Variants in UBE3D observed in about 807,000 individuals in gnomAD.
The protein encoded by UBE3D is ubiquitin protein ligase E3D.
A neutral mutation model predicts 49.6 loss-of-function variants in UBE3D; 48 were observed. The ratio of observed to expected loss-of-function variants is 0.97; its 90% CI spans 0.77 to 1.23. UBE3D has a LOEUF of 1.23. UBE3D is among the 50% of genes most tolerant of loss of function. The pLI is 0.00. For synonymous variants in UBE3D, 189 were observed against 174.2 expected (o/e 1.08, Z -0.67); for missense variants, 452 against 468.4 (o/e 0.96, Z 0.32).
At chr6:82,966,929 T>C (rs983892462) in intron 8 of UBE3D, among the ~76,000 whole-genome samples, 1 of 152,120 alleles carries the variant, frequency 6.6e-6, no homozygotes, top group Admixed American at 6.6e-5. Flanking sequence ...TTCTAGAAAA[T>C]TTTTACTTGC....
downstream of UBE3D, among the ~76,000 whole-genome samples, chr6:82,888,279 C>T (rs990256048): frequency 6.7e-6 from 1 of 148,696 alleles, no homozygotes; most frequent in Non-Finnish European, 1.5e-5. Flanking sequence ...ATTAAGTTAA[C>T]CACTTGTGGT....
intron 9 of UBE3D, among the ~76,000 whole-genome samples, chr6:82,954,608 A>T (rs963425333): frequency 1.3e-5 from 2 of 152,204 alleles, no homozygotes; most frequent in Non-Finnish European, 2.9e-5. Flanking sequence ...AACTTTAACA[A>T]GTGTCATTCT....
At chr6:83,046,171 A>ATAC (rs1783014548) in intron 3 of UBE3D, among the ~76,000 whole-genome samples, 1 of 152,180 alleles carries the variant, frequency 6.6e-6, no homozygotes, top group Non-Finnish European at 1.5e-5. Context: ...CAAAACACAA[A>ATAC]TACTAGTAAA....
intron 8 of UBE3D, among the ~76,000 whole-genome samples, chr6:82,976,510 C>T (rs1188075160): frequency 6.6e-6 from 1 of 152,124 alleles, no homozygotes; most frequent in African/African-American, 2.4e-5. Flanking sequence ...AAACTTCATA[C>T]TGACATCTCC....
chr6:82,938,897 CAT>C (rs1774793452), intron 9 of UBE3D, among the ~76,000 whole-genome samples: 1 of 151,898 alleles, frequency 6.6e-6, no homozygotes, highest in African/African-American at 2.4e-5. Context: ...GAACTAGCAC[CAT>C]AGTCTGGTGT....
At chr6:82,930,519 T>C (rs1009500117) in intron 9 of UBE3D, among the ~76,000 whole-genome samples, 2 of 152,068 alleles carry the variant, frequency 1.3e-5, no homozygotes, top group South Asian at 2.1e-4. Context: ...CAGAAAGATA[T>C]GGGAAACTAG....
intron 5 of UBE3D, chr6:83,036,020 C>CTTTTTTTTTTTTTTTTTTTTTTTTTTTT (rs11448547): frequency 1.8e-5 from 2 of 108,814 alleles, no homozygotes; most frequent in Non-Finnish European, 3.5e-5. Flanking sequence ...TTTTGTACTT[C>CTTTTTTTTTTTTTTTTTTTTTTTTTTTT]TTTTTTTTTT....
chr6:82,985,951 G>A (rs929243470), intron 8 of UBE3D, among the ~76,000 whole-genome samples: 15 of 151,758 alleles, frequency 9.9e-5, no homozygotes, highest in African/African-American at 3.6e-4. Flanking sequence ...TATCTGATAG[G>A]GCTAGTCCTT....
intron 8 of UBE3D, among the ~76,000 whole-genome samples, chr6:82,997,228 G>A (rs1779303759): frequency 6.6e-6 from 1 of 152,206 alleles, no homozygotes; most frequent in South Asian, 2.1e-4. Context: ...GAAGGCATGT[G>A]CAAAGGTCTT....
chr6:82,980,754 G>C (rs1461458022), intron 8 of UBE3D, among the ~76,000 whole-genome samples: 1 of 151,932 alleles, frequency 6.6e-6, no homozygotes, highest in Admixed American at 6.6e-5. Flanking sequence ...TATGGTAAGA[G>C]AGGGTTTCAT....
chr6:82,988,942 A>C (rs181575752), intron 8 of UBE3D, among the ~76,000 whole-genome samples: 10 of 152,264 alleles, frequency 6.6e-5, no homozygotes, highest in East Asian at 3.9e-4. Flanking sequence ...TATCTGGAAG[A>C]ATCAATCAGT....
intron 3 of UBE3D, among the ~76,000 whole-genome samples, chr6:83,046,356 A>C (rs1783030703): frequency 6.6e-6 from 1 of 152,134 alleles, no homozygotes; most frequent in Non-Finnish European, 1.5e-5. Flanking sequence ...GCAGAGGACA[A>C]AGCTAGAAAC....
At chr6:82,883,028 G>C in the UBE3D span, among the ~76,000 whole-genome samples, 4 of 152,170 alleles carry the variant, frequency 2.6e-5, no homozygotes, top group African/African-American at 9.6e-5. Context: ...TCAAGAAACA[G>C]TCAGGACATA....
chr6:83,022,899 A>C (rs910847438), intron 6 of UBE3D, among the ~76,000 whole-genome samples: 2 of 152,222 alleles, frequency 1.3e-5, no homozygotes, highest in Non-Finnish European at 2.9e-5. Context: ...AGAATAACTA[A>C]CTTACAAAAG....
chr6:82,887,119 C>A, the UBE3D span, among the ~76,000 whole-genome samples: 1 of 151,332 alleles, frequency 6.6e-6, no homozygotes, highest in African/African-American at 2.4e-5. Context: ...GCCTGGCCAA[C>A]ATGGTGAAAC....
chr6:82,881,426 G>A, the UBE3D span, among the ~76,000 whole-genome samples: 1 of 152,086 alleles, frequency 6.6e-6, no homozygotes, highest in Non-Finnish European at 1.5e-5. Flanking sequence ...TATGAGGAGG[G>A]GCTGTACCTT....
chr6:82,975,724 C>G (rs1269674691), intron 8 of UBE3D, among the ~76,000 whole-genome samples: 2 of 152,044 alleles, frequency 1.3e-5, no homozygotes, highest in South Asian at 2.1e-4. Flanking sequence ...TTTTAAAAAA[C>G]TAACCTAAAA....
intron 8 of UBE3D, among the ~76,000 whole-genome samples, chr6:83,002,454 GT>G (rs2127747584): frequency 6.6e-6 from 1 of 152,280 alleles, no homozygotes; most frequent in African/African-American, 2.4e-5. Flanking sequence ...GGAGGCCAAG[GT>G]GGGTGGATCA....
intron 7 of UBE3D, among the ~76,000 whole-genome samples, chr6:83,020,035 T>C (rs1408936027): frequency 1.3e-5 from 2 of 152,216 alleles, no homozygotes; most frequent in Non-Finnish European, 2.9e-5. Flanking sequence ...CAACCCAGTA[T>C]GGGGTCTGGG....
Sources: gnomAD v4.1 joint callset for allele counts (sites outside exome capture counted in the v4.1 genomes callset) on GRCh38, gnomAD v4.1.1 for gene constraint, MANE v1.5 for transcripts, NCBI Gene and HGNC (gene_info 2026-07-23, HGNC 2026-07-21) for gene names.